Variants in VIPAS39 observed in about 807,000 individuals in gnomAD.
VIPAS39 encodes the protein VPS33B interacting protein, apical-basolateral polarity regulator, spe-39 homolog, also known as spermatogenesis-defective protein 39 homolog.
VIPAS39 carries 63 observed loss-of-function variants against 84.7 expected under a neutral mutation model. The ratio of observed to expected loss-of-function variants is 0.74; its 90% CI spans 0.61 to 0.92. The LOEUF (loss-of-function observed/expected upper bound fraction) is 0.92, where lower values mean the gene tolerates loss of function less well. Ranked by LOEUF, VIPAS39 falls within the 40% of genes least tolerant of loss-of-function variation. The probability of loss-of-function intolerance (pLI) is 0.00; values close to 1 mark genes in which losing one functional copy is unlikely to be tolerated. For missense variants in VIPAS39, 499 were observed against 604.5 expected (o/e 0.83, Z 1.83); for synonymous variants, 192 against 216.5 (o/e 0.89, Z 0.99).
chr14:77,434,397 C>T, intron 14 of VIPAS39, 94 bp from the exon 15 acceptor site: 1 of 1,121,694 alleles, frequency 8.9e-7, no homozygotes, highest in Non-Finnish European at 1.4e-6. Context: ...AGACTTTCTA[C>T]ATCTTACTCT....
Position 77,435,388 on chromosome 14 carries a change from A to C in VIPAS39, c.918T>G (p.Asn306Lys), listed in dbSNP as rs1228009148. 6.5e-7 allele frequency: 1 copy of C among 1,529,872 alleles called. No individual in the cohort carries two copies. Among genetic ancestry groups the C allele is most frequent in the African/African-American group, 1.4e-5 (1 of 69,530 alleles). The allele number at this position is 1,529,872 out of a possible 1,614,324, so 94.8% of individuals were successfully genotyped here. The change falls in exon 14 of 20, where the codon AAT becomes AAG. Residue 306 changes from asparagine to lysine, a missense_variant. Asn to Lys is a moderately conservative substitution (Grantham distance 94). Coordinates refer to ENST00000557658, the MANE Select transcript of VIPAS39 (RefSeq NM_001193315.2). ...GTCCTGCTGATTCTAGATGGCGATC[A>C]TTTGCCTGTGGTGGAGTGAGCCAAG... ...LLERQIIIEANDRHLESAGQT... is the reference protein window; with the variant it reads ...LLERQIIIEAKDRHLESAGQT...
chr14:77,451,422 C>G (rs2078879932), intron 3 of VIPAS39, 89 bp from the exon 4 acceptor site: 1 of 1,605,610 alleles, frequency 6.2e-7, no homozygotes, highest in African/African-American at 1.3e-5. Flanking sequence ...AGCTTTTCAC[C>G]AGAAGCCCTG....
In VIPAS39 at chr14:77,444,583, T is replaced by C. The variant is rs545733366; in HGVS notation, c.505-242A>G. On this transcript the variant is annotated intron_variant, in intron 7 of 19. Coordinates refer to ENST00000557658, the MANE Select transcript of VIPAS39 (RefSeq NM_001193315.2). ...TGATAAAGTCAACAGAAATCACTTG[T>C]TCTTTTTGAGACGGAGTCTTGCTCT... Among the ~76,000 whole-genome samples the C allele has an allele frequency of 2.6e-4, 39 of 152,316 alleles. No homozygotes were observed. The East Asian group carries it at 6.6e-3, about 26-fold the overall frequency.
chr14:77,443,911 T>G (rs965215739), intron 8 of VIPAS39, among the ~76,000 whole-genome samples: 1 of 149,494 alleles, frequency 6.7e-6, no homozygotes, highest in African/African-American at 2.5e-5. Context: ...AATGGTGGTA[T>G]GCACCTGTGG....
intron 7 of VIPAS39, among the ~76,000 whole-genome samples, chr14:77,446,603 A>G (rs1228924609): frequency 6.6e-6 from 1 of 152,194 alleles, no homozygotes; most frequent in African/African-American, 2.4e-5. Context: ...ACTAAAATCG[A>G]TATGGAAGTA....
intron 11 of VIPAS39, among the ~76,000 whole-genome samples, 185 bp downstream of exon 11, chr14:77,440,881 G>A (rs891678836): frequency 2.7e-4 from 3 of 11,182 alleles, no homozygotes; most frequent in African/African-American, 2.8e-4. Flanking sequence ...ACCACACCCA[G>A]CTAATTTTGT....
At chr14:77,443,870 C>T (rs2082145479) in intron 8 of VIPAS39, among the ~76,000 whole-genome samples, 1 of 40,840 alleles carries the variant, frequency 2.4e-5, no homozygotes, top group South Asian at 1.5e-3. Flanking sequence ...GAGACTCCAT[C>T]TCAAAAAAAA....
At chr14:77,446,329 G>T (rs1181044562) in intron 7 of VIPAS39, among the ~76,000 whole-genome samples, 1 of 151,770 alleles carries the variant, frequency 6.6e-6, no homozygotes, top group African/African-American at 2.4e-5. Context: ...TTAGAGAGAG[G>T]GTCTCGCTCT....
chr14:77,449,688 C>T (rs1233058986), intron 5 of VIPAS39, 26 bp downstream of exon 5: 2 of 1,613,828 alleles, frequency 1.2e-6, no homozygotes, highest in African/African-American at 2.7e-5. Flanking sequence ...TTTCCCACAG[C>T]AATTAAAAGA....
intron 1 of VIPAS39, among the ~76,000 whole-genome samples, chr14:77,454,650 G>A (rs866236625): frequency 4.4e-5 from 6 of 135,716 alleles, no homozygotes; most frequent in African/African-American, 1.6e-4. Flanking sequence ...CTCCAGCCTG[G>A]GCAACAAGAG....
chr14:77,427,113 T>C lies in VIPAS39; in HGVS notation c.*503A>G. ...ATGTGTGGCATAATGTGGAGGGGTC[T>C]GTGCAGTCTGGTGTGAGTGCATCTC... is the stretch of plus-strand genomic sequence containing the variant. On this transcript the variant is annotated 3_prime_UTR_variant, in exon 20 of 20. Transcript: ENST00000557658. 5.9e-6 allele frequency: 1 copy of C among 170,826 alleles called. No homozygotes were observed. 10.6% of individuals were successfully genotyped at this position (170,826 alleles called of 1,614,324 possible). A position where few individuals can be genotyped will look rare whatever the true frequency, so the allele number is the denominator to read the frequency against.
At chr14:77,428,192 C>T (rs1372948315) in intron 19 of VIPAS39, among the ~76,000 whole-genome samples, 178 bp downstream of exon 19, 1 of 152,210 alleles carries the variant, frequency 6.6e-6, no homozygotes, top group East Asian at 1.9e-4. Flanking sequence ...TACCGCATCT[C>T]AGGAGTAATT....
intron 11 of VIPAS39, among the ~76,000 whole-genome samples, chr14:77,439,549 G>C (rs556552664): frequency 6.6e-6 from 1 of 152,246 alleles, no homozygotes; most frequent in African/African-American, 2.4e-5. Context: ...AACTTTGGGA[G>C]GCCAAGGTGG....
chr14:77,435,484 G>T (rs1309435205), intron 13 of VIPAS39, 91 bp from the exon 14 acceptor site: 2 of 1,532,650 alleles, frequency 1.3e-6, no homozygotes, highest in Non-Finnish European at 1.8e-6. Context: ...CAGCAGTTGT[G>T]TTTCCCACCC....
intron 6 of VIPAS39, 81 bp from the exon 7 acceptor site, chr14:77,448,631 G>T: frequency 2.9e-6 from 4 of 1,391,680 alleles, no homozygotes; most frequent in Non-Finnish European, 4.1e-6. Flanking sequence ...CTCAAACTCA[G>T]TCTTAGTGTC....
Position 77,434,242 on chromosome 14 carries a change from A to C in VIPAS39, c.1089+20T>G. The C allele has an allele frequency of 1.2e-6, 2 of 1,613,102 alleles. No individual in the cohort carries two copies. Among genetic ancestry groups the C allele is most frequent in the Non-Finnish European group, 1.7e-6 (2 of 1,179,022 alleles). ...TTACCCTGATCACTAGTTTCATAAC[A>C]CTGACCAATTTGTATCTACCTTAAA... On this transcript the variant is annotated intron_variant, in intron 15 of 19. Transcript: ENST00000557658.
chr14:77,457,401 G>A, intron 1 of VIPAS39, 94 bp downstream of exon 1: 2 of 1,535,512 alleles, frequency 1.3e-6, no homozygotes, highest in African/African-American at 2.7e-5. Flanking sequence ...GTCATAGGGT[G>A]TAGGGATGCC....
intron 16 of VIPAS39, among the ~76,000 whole-genome samples, chr14:77,431,506 A>C (rs2078522135): frequency 6.6e-6 from 1 of 152,164 alleles, no homozygotes; most frequent in Admixed American, 6.5e-5. Context: ...GATGACTGTT[A>C]TCAAAAAGAC....
chr14:77,435,743 A>T (rs1005211369), intron 13 of VIPAS39, 101 bp downstream of exon 13: 15 of 1,309,372 alleles, frequency 1.1e-5, no homozygotes, highest in Non-Finnish European at 1.7e-5. Context: ...TTTAGAAACC[A>T]GTAAGAAATG....
Sources: allele counts gnomAD v4.1 joint callset (sites outside exome capture counted in the v4.1 genomes callset), GRCh38; gene constraint gnomAD v4.1.1; transcripts MANE v1.5; gene names NCBI Gene and HGNC (gene_info 2026-07-23, HGNC 2026-07-21).